STON2: variants seen among roughly 807,000 people sequenced by gnomAD.
The protein encoded by STON2 is stonin 2, also known as stonin-2.
In STON2, 29 loss-of-function variants were observed where a neutral mutation model predicts 65.7. The ratio of observed to expected loss-of-function variants is 0.44; its 90% CI spans 0.33 to 0.60. STON2 has a LOEUF of 0.60. Ranked by LOEUF, STON2 falls within the 20% of genes least tolerant of loss-of-function variation. The pLI is 0.03. For missense variants in STON2, 1,054 were observed against 1,118.1 expected (o/e 0.94, Z 0.82); for synonymous variants, 404 against 414.2 (o/e 0.98, Z 0.30).
intron 1 of STON2, among the ~76,000 whole-genome samples, chr14:81,431,260 A>C (rs552534644): frequency 6.6e-6 from 1 of 152,104 alleles, no homozygotes; most frequent in Non-Finnish European, 1.5e-5. Flanking sequence ...TCAAATCTCA[A>C]CTGGAACAAG....
At chr14:81,326,236 T>C (rs1391499364) in intron 4 of STON2, among the ~76,000 whole-genome samples, 1 of 152,230 alleles carries the variant, frequency 6.6e-6, no homozygotes, top group Non-Finnish European at 1.5e-5. Flanking sequence ...AGGAACAATG[T>C]TGTAATTACG....
intron 5 of STON2, among the ~76,000 whole-genome samples, chr14:81,282,756 T>C (rs1467216196): frequency 6.6e-6 from 1 of 152,198 alleles, no homozygotes; most frequent in African/African-American, 2.4e-5. Context: ...TTACTACTAA[T>C]TAGCCTTAGA....
At chr14:81,308,159 C>T (rs1351889525) in intron 5 of STON2, among the ~76,000 whole-genome samples, 7 of 152,164 alleles carry the variant, frequency 4.6e-5, no homozygotes, top group African/African-American at 1.4e-4. Flanking sequence ...ACTGTCATTA[C>T]GCTTACCTGC....
intron 3 of STON2, among the ~76,000 whole-genome samples, chr14:81,393,932 G>A (rs1900196721): frequency 1.3e-5 from 2 of 152,222 alleles, no homozygotes; most frequent in Admixed American, 6.5e-5. Flanking sequence ...GCTCACGCCT[G>A]TAATCCCAGC....
intron 4 of STON2, among the ~76,000 whole-genome samples, chr14:81,367,985 G>C (rs191789166): frequency 6.6e-6 from 1 of 152,240 alleles, no homozygotes; most frequent in East Asian, 1.9e-4. Context: ...GCAGTTATCT[G>C]TAAGCATTCA....
At chr14:81,364,725 G>C (rs1344498214) in intron 4 of STON2, among the ~76,000 whole-genome samples, 2 of 151,852 alleles carry the variant, frequency 1.3e-5, no homozygotes, top group Non-Finnish European at 2.9e-5. Context: ...TCCAACAAAG[G>C]GGGCACAGCG....
rs937794205 is a variant in STON2 at position 81,262,811 on chromosome 14, A to G, written c.*5603T>C. On this transcript the variant is annotated 3_prime_UTR_variant, in exon 8 of 8. Transcript: ENST00000614646. ...CTTGTTCTAGTTAATACATGGGAGA[A>G]TATTACTAATACATACATTTGTTTT... The G allele has an allele frequency of 1.0e-6, 1 of 985,236 alleles. No homozygotes were observed. The highest frequency in any genetic ancestry group is 1.2e-6 in the Non-Finnish European group (1 of 829,822). 61.0% of individuals were successfully genotyped at this position (985,236 alleles called of 1,614,324 possible). A position where few individuals can be genotyped will look rare whatever the true frequency, so the allele number is the denominator to read the frequency against.
chr14:81,315,682 T>C (rs1896593175), intron 5 of STON2, among the ~76,000 whole-genome samples: 1 of 152,248 alleles, frequency 6.6e-6, no homozygotes, highest in Non-Finnish European at 1.5e-5. Context: ...ATCCCAAATT[T>C]TTCTTATGAG....
At chr14:81,435,717 A>G (rs933900769) in intron 1 of STON2, among the ~76,000 whole-genome samples, 2 of 151,992 alleles carry the variant, frequency 1.3e-5, no homozygotes, top group African/African-American at 4.8e-5. Context: ...GCGCGCACAC[A>G]CGCACTCTCA....
chr14:81,430,272 T>TTA (rs1283562480), intron 1 of STON2, among the ~76,000 whole-genome samples: 1 of 152,256 alleles, frequency 6.6e-6, no homozygotes, highest in East Asian at 1.9e-4. Flanking sequence ...ATCATTGATT[T>TTA]TATATAAATA....
At chr14:81,311,579 C>T (rs1896428557) in intron 5 of STON2, among the ~76,000 whole-genome samples, 1 of 152,200 alleles carries the variant, frequency 6.6e-6, no homozygotes, top group Admixed American at 6.5e-5. Context: ...ATTAACTCCA[C>T]ATAAAATTGA....
At chr14:81,419,284 T>G (rs1901590138) in intron 2 of STON2, among the ~76,000 whole-genome samples, 1 of 152,206 alleles carries the variant, frequency 6.6e-6, no homozygotes, top group Non-Finnish European at 1.5e-5. Flanking sequence ...ATGAGGAAAC[T>G]AAGGCTTGGA....
At chr14:81,424,613 C>T (rs1485343254) in intron 2 of STON2, among the ~76,000 whole-genome samples, 2 of 152,222 alleles carry the variant, frequency 1.3e-5, no homozygotes, top group East Asian at 3.9e-4. Flanking sequence ...AGGGACACTT[C>T]CATTGTTTAA....
At position 81,268,381 on chromosome 14, in the gene STON2, T is replaced by G; in HGVS notation, c.*33A>C. The G allele has an allele frequency of 7.8e-7, 1 of 1,288,988 alleles. No homozygotes were observed. Among genetic ancestry groups the G allele is most frequent in the Non-Finnish European group, 1.0e-6 (1 of 988,566 alleles). 79.8% of individuals were successfully genotyped at this position (1,288,988 alleles called of 1,614,324 possible). A position where few individuals can be genotyped will look rare whatever the true frequency, so the allele number is the denominator to read the frequency against. Reference sequence around the variant, plus strand: ...ACTCAGGAAGACACCCTATCATGACTCTGGGATCAGGATTCCTTGCCGCAA... The same window carrying G: ...ACTCAGGAAGACACCCTATCATGACGCTGGGATCAGGATTCCTTGCCGCAA... On this transcript the variant is annotated 3_prime_UTR_variant, in exon 8 of 8. Transcript: ENST00000614646.
intron 3 of STON2, chr14:81,394,856 T>C (rs1900239100): frequency 6.6e-6 from 1 of 152,246 alleles, no homozygotes; most frequent in Admixed American, 6.5e-5. Context: ...GTGACACCCA[T>C]GATGGACTTC....
chr14:81,401,494 A>G (rs1006413617), upstream of STON2, among the ~76,000 whole-genome samples: 6 of 152,196 alleles, frequency 3.9e-5, no homozygotes, highest in Non-Finnish European at 2.9e-5. Flanking sequence ...CCAATAAGCC[A>G]TAAGAAATCA....
chr14:81,400,833 C>T (rs2140451616), upstream of STON2, among the ~76,000 whole-genome samples: 1 of 152,216 alleles, frequency 6.6e-6, no homozygotes, highest in Non-Finnish European at 1.5e-5. Context: ...CATAACTCAA[C>T]CTCTTTAAGC....
chr14:81,362,397 C>T (rs1898534144), intron 4 of STON2, among the ~76,000 whole-genome samples: 1 of 152,098 alleles, frequency 6.6e-6, no homozygotes, highest in East Asian at 1.9e-4. Context: ...AAAACAAGTA[C>T]CAAATATTCT....
Position 81,398,307 on chromosome 14 carries a change from C to T in STON2, c.76G>A (p.Ala26Thr). 1 of 1,613,130 alleles carries T rather than the reference C, an allele frequency of 6.2e-7. No individual in the cohort carries two copies. The highest frequency in any genetic ancestry group is 1.3e-5 in the African/African-American group (1 of 75,018). ...VSFNEEPPFP[A>T]HSQGGTEEHL... ...AGGCACTCCTTACCCTGCGAGTGGG[C>T]AGGAAAGGGTGGCTCTTCATTGAAG... Residue 26 changes from alanine to threonine, a missense_variant, in exon 2 of 8, where the codon GCC (alanine) becomes ACC (threonine). Physicochemically the swap from Ala to Thr is moderately conservative, Grantham distance 58. Coordinates refer to ENST00000614646, the MANE Select transcript of STON2 (RefSeq NM_001394390.1).
Sources: gnomAD v4.1 joint callset for allele counts (sites outside exome capture counted in the v4.1 genomes callset) on GRCh38, gnomAD v4.1.1 for gene constraint, MANE v1.5 for transcripts, NCBI Gene and HGNC (gene_info 2026-07-23, HGNC 2026-07-21) for gene names.